Variants in PREX2 observed in about 807,000 individuals in gnomAD.
PREX2 encodes phosphatidylinositol 3,4,5-trisphosphate-dependent Rac exchanger 2 protein.
In PREX2, 107 loss-of-function variants were observed where a neutral mutation model predicts 203.2. That is an observed-to-expected ratio of 0.53 (90% CI 0.45 to 0.62). PREX2 has a LOEUF of 0.62. Ranked by LOEUF, PREX2 falls within the 20% of genes least tolerant of loss-of-function variation. The pLI is 0.00. For synonymous variants in PREX2, 672 were observed against 663.6 expected (o/e 1.01, Z -0.19); for missense variants, 1,777 against 1,955.9 (o/e 0.91, Z 1.72).
chr8:68,089,101 C>T (rs769440252), intron 19 of PREX2, among the ~76,000 whole-genome samples: 2 of 152,182 alleles, frequency 1.3e-5, no homozygotes, highest in South Asian at 2.1e-4. Flanking sequence ...ACTGCAGTCA[C>T]GCTTGCCAGC....
chr8:68,181,320 A>C lies in PREX2; in HGVS notation c.4347-10402A>C, dbSNP rs150004083. Among the ~76,000 whole-genome samples, 614 of 152,236 alleles carry C rather than the reference A, an allele frequency of 4.0e-3. 3 individuals are homozygous for C. The highest frequency in any genetic ancestry group is 0.014 in the African/African-American group (564 of 41,564). ...ACAATGTCTCTAAATACTGCTAGTGACATCTTTCTAATGTCTGTATATCTA... is the reference window on the plus strand; with the variant it reads ...ACAATGTCTCTAAATACTGCTAGTGCCATCTTTCTAATGTCTGTATATCTA... On this transcript the variant is annotated intron_variant, in intron 35 of 39. Transcript: ENST00000288368.
At chr8:68,097,566 C>T (rs1011627377) in intron 22 of PREX2, among the ~76,000 whole-genome samples, 1 of 152,236 alleles carries the variant, frequency 6.6e-6, no homozygotes, top group Non-Finnish European at 1.5e-5. Flanking sequence ...CTCAAGTGAT[C>T]CAGCTACTTT....
At chr8:67,991,591 CTA>C (rs1234876087) in intron 1 of PREX2, among the ~76,000 whole-genome samples, 3 of 152,110 alleles carry the variant, frequency 2.0e-5, no homozygotes, top group Non-Finnish European at 4.4e-5. Context: ...AATTCGCTAA[CTA>C]TCATGAGAAT....
At chr8:68,054,395 C>CAA (rs149843115) in intron 9 of PREX2, among the ~76,000 whole-genome samples, 2,276 of 150,232 alleles carry the variant, frequency 0.015, 56 homozygotes, top group African/African-American at 0.052. Flanking sequence ...AACCCCCAAA[C>CAA]GAGAAGAAGC....
chr8:68,081,620 T>C (rs1809528149), intron 17 of PREX2, among the ~76,000 whole-genome samples: 1 of 152,156 alleles, frequency 6.6e-6, no homozygotes, highest in African/African-American at 2.4e-5. Context: ...TAGTGTTTTA[T>C]ATGAGTATAA....
At chr8:68,020,900 A>G (rs1807549708) in intron 3 of PREX2, among the ~76,000 whole-genome samples, 2 of 152,172 alleles carry the variant, frequency 1.3e-5, no homozygotes, top group Non-Finnish European at 1.5e-5. Flanking sequence ...TTTCTGGCTC[A>G]TATCATTTCT....
chr8:68,225,154 A>G (rs1813033947), intron 39 of PREX2, among the ~76,000 whole-genome samples: 1 of 152,178 alleles, frequency 6.6e-6, no homozygotes, highest in African/African-American at 2.4e-5. Flanking sequence ...TCCTTTGCCC[A>G]ACCTGAATAT....
At chr8:67,960,349 G>A (rs532918688) in intron 1 of PREX2, among the ~76,000 whole-genome samples, 53 of 151,322 alleles carry the variant, frequency 3.5e-4, no homozygotes, top group Non-Finnish European at 6.2e-4. Flanking sequence ...GCCGGAAGTG[G>A]TTTTTTTTTC....
chr8:68,063,431 G>A (rs1808919831), intron 11 of PREX2, among the ~76,000 whole-genome samples: 1 of 152,034 alleles, frequency 6.6e-6, no homozygotes, highest in Non-Finnish European at 1.5e-5. Context: ...AAAACACAAG[G>A]TGACCCTGGG....
intron 34 of PREX2, among the ~76,000 whole-genome samples, chr8:68,157,034 A>G (rs1274506616): frequency 6.6e-6 from 1 of 152,110 alleles, no homozygotes; most frequent in Non-Finnish European, 1.5e-5. Context: ...TATATTTTGG[A>G]GCGGCATATT....
intron 1 of PREX2, among the ~76,000 whole-genome samples, chr8:67,960,035 TTTAATTAATTAA>T (rs145839477): frequency 6.6e-6 from 1 of 150,482 alleles, no homozygotes; most frequent in Non-Finnish European, 1.5e-5. Flanking sequence ...TTCTTTTCTT[TTTAATTAATTAA>T]TTAATTAATT....
chr8:68,108,083 C>T (rs370741373), intron 23 of PREX2, 26 bp from the exon 24 acceptor site: 65 of 1,542,012 alleles, frequency 4.2e-5, no homozygotes, highest in Non-Finnish European at 5.5e-5. Flanking sequence ...TGTTCAACTG[C>T]TTTTTATGTT....
At position 68,014,983 on chromosome 8, in the gene PREX2, C is replaced by T. The variant is rs1468682174; in HGVS notation, c.142-2863C>T. The stretch of plus-strand genomic sequence containing the variant: ...CCCACTAGCATAAAAAAGCTATTTT[C>T]CACTGCTTGATTTCAAATATATGTG... On this transcript the variant is annotated intron_variant, in intron 1 of 39. Transcript: ENST00000288368. Among the ~76,000 whole-genome samples the T allele has an allele frequency of 2.0e-5, 3 of 152,236 alleles. No individual in the cohort carries two copies. In the East Asian group the frequency reaches 5.8e-4, roughly 29 times the overall value.
intron 35 of PREX2, among the ~76,000 whole-genome samples, chr8:68,177,599 A>G (rs1208987376): frequency 1.3e-5 from 2 of 152,142 alleles, no homozygotes; most frequent in Non-Finnish European, 2.9e-5. Flanking sequence ...TAATTCCCCA[A>G]ACTCAACATC....
chr8:68,186,797 C>T (rs1189505797), intron 35 of PREX2, among the ~76,000 whole-genome samples: 1 of 152,186 alleles, frequency 6.6e-6, no homozygotes, highest in Non-Finnish European at 1.5e-5. Context: ...CAGGTGTGAG[C>T]CACCGTGCCC....
intron 35 of PREX2, among the ~76,000 whole-genome samples, chr8:68,190,794 A>G (rs1014066672): frequency 2.0e-5 from 3 of 151,986 alleles, no homozygotes; most frequent in African/African-American, 7.3e-5. Context: ...ATTATACTGT[A>G]TACATTTTAC....
rs143637465 is a variant in PREX2, at chr8:67,968,921, A to G, written c.141+16386A>G. Among the ~76,000 whole-genome samples the G allele has an allele frequency of 8.5e-5, 13 of 152,344 alleles. No homozygotes were observed. In the East Asian group the frequency reaches 2.5e-3, roughly 29 times the overall value. On this transcript the variant is annotated intron_variant, in intron 1 of 39. Coordinates refer to ENST00000288368, the MANE Select transcript of PREX2 (RefSeq NM_024870.4). ...AAGACTTGCCTAAGGAAATAATGCA[A>G]GATACAGTGCCTAGGAAGGAAATCA...
At chr8:68,096,169 A>G (rs890664997) in intron 21 of PREX2, among the ~76,000 whole-genome samples, 1 of 152,188 alleles carries the variant, frequency 6.6e-6, no homozygotes, top group Non-Finnish European at 1.5e-5. Flanking sequence ...TTGTATTCCT[A>G]ATTTGGAATA....
intron 32 of PREX2, among the ~76,000 whole-genome samples, chr8:68,137,143 T>C (rs144114503): frequency 6.6e-6 from 1 of 152,246 alleles, no homozygotes; most frequent in East Asian, 1.9e-4. Context: ...TGACCTCAGG[T>C]GATCCACCCA....
Sources: gnomAD v4.1 joint callset for allele counts (sites outside exome capture counted in the v4.1 genomes callset) on GRCh38, gnomAD v4.1.1 for gene constraint, MANE v1.5 for transcripts, NCBI Gene and HGNC (gene_info 2026-07-23, HGNC 2026-07-21) for gene names.